CACNA2D4: variants seen among roughly 807,000 people sequenced by gnomAD.
CACNA2D4 encodes the protein voltage-dependent calcium channel subunit alpha-2/delta-4.
Under a neutral mutation model 163.8 loss-of-function variants are expected in CACNA2D4, and 157 were observed. The observed-to-expected ratio is 0.96, with a 90% confidence interval of 0.84 to 1.09. The LOEUF (loss-of-function observed/expected upper bound fraction) is 1.09, where lower values mean the gene tolerates loss of function less well. Among genes scored for constraint, CACNA2D4 ranks in the 50% least tolerant of loss-of-function variants. The probability of loss-of-function intolerance (pLI) is 0.00; values close to 1 mark genes in which losing one functional copy is unlikely to be tolerated. For synonymous variants in CACNA2D4, 598 were observed against 586.9 expected (o/e 1.02, Z -0.27); for missense variants, 1,410 against 1,479.9 (o/e 0.95, Z 0.78).
At chr12:1,813,893 T>G (rs951117386) in intron 26 of CACNA2D4, among the ~76,000 whole-genome samples, 9 of 152,312 alleles carry the variant, frequency 5.9e-5, no homozygotes, top group Middle Eastern at 3.4e-3. Context: ...AGCATGGCTG[T>G]GCTCCTCCTC....
chr12:1,812,136 C>G (rs1863733402), intron 26 of CACNA2D4, among the ~76,000 whole-genome samples: 1 of 152,208 alleles, frequency 6.6e-6, no homozygotes. Context: ...GAGTGGCACC[C>G]TGGAATTCAG....
intron 26 of CACNA2D4, among the ~76,000 whole-genome samples, chr12:1,817,459 T>A (rs1019051705): frequency 1.3e-5 from 2 of 151,922 alleles, no homozygotes; most frequent in African/African-American, 2.4e-5. Context: ...GGAAAGGAGA[T>A]GACTCCCTCT....
chr12:1,878,859 C>A lies in CACNA2D4; in HGVS notation c.1644+97G>T. 8.3e-7 allele frequency: 1 copy of A among 1,210,976 alleles called. No individual in the cohort carries two copies. Among genetic ancestry groups the A allele is most frequent in the South Asian group, 1.4e-5 (1 of 69,704 alleles). 75.0% of individuals were successfully genotyped at this position (1,210,976 alleles called of 1,614,324 possible). ...GTGATGGAGGGGCCCCACCCCAGCT[C>A]TGGGCTTGGCTTGCCTGGAGAGAGG... On this transcript the variant is annotated intron_variant, in intron 15 of 37. Coordinates refer to ENST00000382722, the MANE Select transcript of CACNA2D4 (RefSeq NM_172364.5). This position sits in a 1 kb window ranked among gnomAD's most constrained non-coding sequence, Gnocchi z 4.6.
chr12:1,833,397 C>T lies in CACNA2D4; in HGVS notation c.2551+7342G>A, dbSNP rs1864716157. ...GGTCTAGACAGATTATTGTCCTCAA[C>T]CACCTTCTCTCTCACCCCAGCCCTG... On this transcript the variant is annotated intron_variant, in intron 26 of 37. Coordinates refer to ENST00000382722, the MANE Select transcript of CACNA2D4 (RefSeq NM_172364.5). The surrounding 1 kb of genome is among the most constrained non-coding windows in gnomAD (Gnocchi z 4.2). Among the ~76,000 whole-genome samples the T allele has an allele frequency of 6.6e-6, 1 of 152,154 alleles. No homozygotes were observed. Among genetic ancestry groups the T allele is most frequent in the Non-Finnish European group, 1.5e-5 (1 of 68,036 alleles).
At chr12:1,892,101 A>AGGTTTTCTTCACAG (rs71057804) in intron 6 of CACNA2D4, among the ~76,000 whole-genome samples, 1 of 152,068 alleles carries the variant, frequency 6.6e-6, no homozygotes, top group African/African-American at 2.4e-5. Flanking sequence ...TAATTCAAAA[A>AGGTTTTCTTCACAG]TACATTGTAG....
In CACNA2D4 at chr12:1,885,070, TGAAATGCTGCCATGGGTGAGATATTA is replaced by T. The variant is rs1866103314; in HGVS notation, c.1069-20_1074del. Reference sequence around the variant, plus strand: ...ACCATCAACTCCTCCACCAGCAGTTTGAAATGCTGCCATGGGTGAGATATTAGAGAAGCATCAGGGGGTTGAGTGGG... The same window carrying T: ...ACCATCAACTCCTCCACCAGCAGTTTGAGAAGCATCAGGGGGTTGAGTGGG... On this transcript the variant is annotated splice_acceptor_variant and splice_polypyrimidine_tract_variant and coding_sequence_variant and intron_variant, in exon 10 of 38. Coordinates refer to ENST00000382722, the MANE Select transcript of CACNA2D4 (RefSeq NM_172364.5). LOFTEE classifies it high-confidence loss of function. 1 of 1,613,398 alleles carries T rather than the reference TGAAATGCTGCCATGGGTGAGATATTA, an allele frequency of 6.2e-7. No homozygotes were observed. Among genetic ancestry groups the T allele is most frequent in the Non-Finnish European group, 8.5e-7 (1 of 1,179,510 alleles).
rs533040733 is a variant in CACNA2D4 at position 1,791,965 on chromosome 12, G to C, written c.*1690C>G. 6.6e-5 allele frequency: 10 copies of C among 152,302 alleles called. No individual in the cohort carries two copies. Among genetic ancestry groups the C allele is most frequent in the Non-Finnish European group, 1.3e-4 (9 of 68,028 alleles). The allele number at this position is 152,302 out of a possible 1,614,324, so 9.4% of individuals were successfully genotyped here. ...CATGAAACAAGGTAATGTAATGATC[G>C]CAGTTAGCATGTATTTATTTAGCGT... On this transcript the variant is annotated 3_prime_UTR_variant, in exon 38 of 38. Coordinates refer to ENST00000382722, the MANE Select transcript of CACNA2D4 (RefSeq NM_172364.5).
intron 26 of CACNA2D4, among the ~76,000 whole-genome samples, chr12:1,817,200 A>C (rs977033332): frequency 3.3e-5 from 5 of 152,180 alleles, no homozygotes; most frequent in African/African-American, 1.2e-4. Flanking sequence ...CAGAAGGGAG[A>C]CCAGAGATCT....
chr12:1,820,855 T>G lies in CACNA2D4; in HGVS notation c.2552-9132A>C, dbSNP rs1592673780. 6.6e-6 allele frequency: 1 copy of G among 151,950 alleles called. No homozygotes were observed. Among genetic ancestry groups the G allele is most frequent in the South Asian group, 2.1e-4 (1 of 4,822 alleles). The allele number at this position is 151,950 out of a possible 1,614,324, so 9.4% of individuals were successfully genotyped here. A position where few individuals can be genotyped will look rare whatever the true frequency, so the allele number is the denominator to read the frequency against. On this transcript the variant is annotated intron_variant, in intron 26 of 37. Transcript: ENST00000382722. This position sits in a 1 kb window ranked among gnomAD's most constrained non-coding sequence, Gnocchi z 6.0. ...CTGGTAGGAAGGAATGGAGGGTTGG[T>G]GGGGACAGGGGGTGGTCGGGGCATG...
rs549503452 is a variant in CACNA2D4 at position 1,887,646 on chromosome 12, G to A, written c.782-577C>T. Among the ~76,000 whole-genome samples, 88 of 152,292 alleles carry A rather than the reference G, an allele frequency of 5.8e-4. 1 individual carries two copies. Among genetic ancestry groups the A allele is most frequent in the Admixed American group, 1.8e-3 (28 of 15,300 alleles). ...AATGAATGGATATGAAAGATCTTGC[G>A]TTGACCCAGTAGCAGAATGCTGGTG... On this transcript the variant is annotated intron_variant, in intron 6 of 37. Transcript: ENST00000382722.
At chr12:1,854,518 G>T (rs1396332877) in intron 22 of CACNA2D4, among the ~76,000 whole-genome samples, 2 of 152,132 alleles carry the variant, frequency 1.3e-5, no homozygotes. Context: ...CAATTCTCCT[G>T]CCTCAGCCTC....
chr12:1,851,019 C>G lies in CACNA2D4; in HGVS notation c.2246+2932G>C, dbSNP rs555098940. On this transcript the variant is annotated intron_variant, in intron 23 of 37. Coordinates refer to ENST00000382722, the MANE Select transcript of CACNA2D4 (RefSeq NM_172364.5). ...CTGAGCAGCTGAGTAGCTGGGACTG[C>G]AGGTGTGCACCACCACATCTGGCTA... 6.8e-4 allele frequency among the ~76,000 whole-genome samples: 104 copies of G among 152,284 alleles called. 2 individuals carry two copies. In the South Asian group the frequency reaches 9.7e-3, roughly 14 times the overall value.
chr12:1,825,136 C>T (rs117756150), intron 26 of CACNA2D4, among the ~76,000 whole-genome samples: 3,817 of 152,314 alleles, frequency 0.025, 75 homozygotes, highest in Non-Finnish European at 0.035. Context: ...ACATCCCATT[C>T]GAGGCTGAAG....
chr12:1,901,734 G>A (rs767743589), intron 6 of CACNA2D4, among the ~76,000 whole-genome samples: 18 of 152,032 alleles, frequency 1.2e-4, no homozygotes, highest in African/African-American at 2.4e-4. Context: ...GGGACCTGAC[G>A]GCTTCAGAAT....
intron 5 of CACNA2D4, 45 bp from the exon 6 acceptor site, chr12:1,907,616 G>A: frequency 1.3e-6 from 2 of 1,574,960 alleles, no homozygotes; most frequent in Non-Finnish European, 1.7e-6. Context: ...AACTTCTCAG[G>A]AAAATGGTGA....
rs866684946 is a variant in CACNA2D4, at chr12:1,801,175, G to A, written c.2793-57C>T. The A allele has an allele frequency of 1.4e-4, 196 of 1,432,802 alleles. 1 individual carries two copies. The Middle Eastern group carries it at 1.6e-3, about 12-fold the overall frequency. 88.8% of individuals were successfully genotyped at this position (1,432,802 alleles called of 1,614,324 possible). On this transcript the variant is annotated intron_variant, in intron 30 of 37. Transcript: ENST00000382722. ...AAAGCCACCCCCACCCCCTGCCCCT[G>A]CCTCAGGAGGCTTTACTAGCAGAGC...
chr12:1,882,871 C>T lies in CACNA2D4; in HGVS notation c.1481G>A (p.Ser494Asn), dbSNP rs763185235. The T allele has an allele frequency of 1.2e-6, 2 of 1,613,756 alleles. No homozygotes were observed. The highest frequency in any genetic ancestry group is 1.7e-6 in the Non-Finnish European group (2 of 1,179,774). ...DIIWTEAYMD[S>N]KLLSSQAQSL... ...GGGAGCTGCTGCCAGGCTCACCTTG[C>T]TGTCCATGTAGGCCTCTGTCCAGAT... The change falls in exon 13 of 38, where the codon AGC becomes AAC. Residue 494 changes from serine to asparagine, a missense_variant. Physicochemically the swap from Ser to Asn is conservative, Grantham distance 46. Coordinates refer to ENST00000382722, the MANE Select transcript of CACNA2D4 (RefSeq NM_172364.5).
intron 6 of CACNA2D4, among the ~76,000 whole-genome samples, chr12:1,891,426 G>GA (rs1418566968): frequency 6.6e-6 from 1 of 152,100 alleles, no homozygotes; most frequent in Non-Finnish European, 1.5e-5. Flanking sequence ...ATAGCTTTAG[G>GA]AAAAAGTCCT....
At chr12:1,817,352 A>T (rs12231587) in intron 26 of CACNA2D4, among the ~76,000 whole-genome samples, 18,770 of 151,978 alleles carry the variant, frequency 0.12, 1,211 homozygotes, top group Middle Eastern at 0.14. Context: ...GAGCTCTTTC[A>T]TGTCCTCCAT....
Sources: allele counts gnomAD v4.1 joint callset (sites outside exome capture counted in the v4.1 genomes callset), GRCh38; gene constraint gnomAD v4.1.1; non-coding constraint Gnocchi (gnomAD v3.1); transcripts MANE v1.5; gene names NCBI Gene and HGNC (gene_info 2026-07-23, HGNC 2026-07-21).